B4GALT6: variants seen among roughly 807,000 people sequenced by gnomAD.
B4GALT6 encodes UDP-Gal:beta-GlcNAc beta-1,4-galactosyltransferase 6.
Under a neutral mutation model 46.3 loss-of-function variants are expected in B4GALT6, and 14 were observed. The observed-to-expected ratio is 0.30, with a 90% CI of 0.20 to 0.47. The LOEUF is 0.47. B4GALT6 is among the 20% of genes least tolerant of loss of function. The pLI, the probability that B4GALT6 is intolerant of heterozygous loss-of-function variation, is 0.99. For missense variants in B4GALT6, 386 were observed against 480.1 expected (o/e 0.80, Z 1.83); for synonymous variants, 168 against 162.0 (o/e 1.04, Z -0.28).
intron 5 of B4GALT6, 89 bp downstream of exon 5, chr18:31,638,555 C>T (rs779593975): frequency 9.1e-7 from 1 of 1,104,362 alleles, no homozygotes. Flanking sequence ...ATCAGACTTA[C>T]CTTATTAATC....
At chr18:31,666,785 G>A (rs1205797211) in intron 1 of B4GALT6, among the ~76,000 whole-genome samples, 2 of 151,794 alleles carry the variant, frequency 1.3e-5, no homozygotes, top group Admixed American at 1.3e-4. Flanking sequence ...ACAAAAGCTA[G>A]GATTCCTTAT....
At chr18:31,630,816 C>G in intron 6 of B4GALT6, 143 bp downstream of exon 6, 1 of 871,060 alleles carries the variant, frequency 1.1e-6, no homozygotes, top group Non-Finnish European at 1.7e-6. Flanking sequence ...TCCTGGCTCC[C>G]CAGGAGGACA....
intron 5 of B4GALT6, among the ~76,000 whole-genome samples, chr18:31,635,918 A>G (rs2144533256): frequency 6.6e-6 from 1 of 152,360 alleles, no homozygotes; most frequent in East Asian, 1.9e-4. Flanking sequence ...ACTGTTACTT[A>G]CCTATTCAAA....
At chr18:31,712,064 T>C in the B4GALT6 span, among the ~76,000 whole-genome samples, 4 of 152,282 alleles carry the variant, frequency 2.6e-5, no homozygotes, top group East Asian at 7.7e-4. Context: ...ACTTTTCTCA[T>C]AATCAGATAT....
intron 3 of B4GALT6, among the ~76,000 whole-genome samples, chr18:31,657,394 TA>T (rs1391896184): frequency 5.3e-5 from 8 of 152,148 alleles, no homozygotes; most frequent in African/African-American, 1.9e-4. Context: ...AAAAAGTATG[TA>T]AAAAAGCAAG....
chr18:31,646,352 C>T (rs1598887575), intron 3 of B4GALT6, among the ~76,000 whole-genome samples: 1 of 152,166 alleles, frequency 6.6e-6, no homozygotes, highest in South Asian at 2.1e-4. Context: ...AAACCACTTC[C>T]GTTAACCCCA....
chr18:31,659,359 T>G (rs773721081), intron 2 of B4GALT6, among the ~76,000 whole-genome samples: 21 of 152,126 alleles, frequency 1.4e-4, no homozygotes, highest in African/African-American at 5.1e-4. Context: ...TATTCAGTCA[T>G]TGTCACAATG....
the B4GALT6 span, among the ~76,000 whole-genome samples, chr18:31,711,326 G>C: frequency 2.6e-5 from 4 of 152,172 alleles, no homozygotes; most frequent in South Asian, 6.2e-4. Context: ...CATGCCACAG[G>C]GGTTTGTGGT....
At chr18:31,719,816 G>A in the B4GALT6 span, among the ~76,000 whole-genome samples, 1 of 152,112 alleles carries the variant, frequency 6.6e-6, no homozygotes, top group Admixed American at 6.5e-5. Context: ...GGCAGAACTG[G>A]TCGAGCCAGA....
At chr18:31,669,618 CGAA>C (rs1205633976) in intron 1 of B4GALT6, among the ~76,000 whole-genome samples, 1 of 151,686 alleles carries the variant, frequency 6.6e-6, no homozygotes, top group African/African-American at 2.4e-5. Context: ...AGAAAAGAGA[CGAA>C]GAGAAAAAAG....
upstream of B4GALT6, chr18:31,684,597 G>C: frequency 2.9e-5 from 39 of 1,364,040 alleles, no homozygotes; most frequent in Non-Finnish European, 3.7e-5. Context: ...GGGAGGGAGC[G>C]GACGGAATGA....
intron 1 of B4GALT6, among the ~76,000 whole-genome samples, chr18:31,667,347 G>GA (rs1567978368): frequency 6.6e-6 from 1 of 152,124 alleles, no homozygotes; most frequent in East Asian, 1.9e-4. Context: ...CAAAAACCAA[G>GA]AAACTGCAAG....
intron 1 of B4GALT6, among the ~76,000 whole-genome samples, chr18:31,677,460 C>T (rs999185322): frequency 1.1e-4 from 17 of 152,120 alleles, no homozygotes; most frequent in African/African-American, 4.1e-4. Flanking sequence ...TTGAGTGCCA[C>T]CTGAAAGTTT....
chr18:31,690,833 T>G (rs1454938070), upstream of B4GALT6, among the ~76,000 whole-genome samples: 1 of 152,158 alleles, frequency 6.6e-6, no homozygotes, highest in Non-Finnish European at 1.5e-5. Flanking sequence ...AAGAATGAGC[T>G]CATGTCCTTT....
chr18:31,683,653 T>A (rs1447245775), intron 1 of B4GALT6, among the ~76,000 whole-genome samples: 2 of 152,170 alleles, frequency 1.3e-5, no homozygotes, highest in African/African-American at 4.8e-5. Context: ...TTCCCTTAGA[T>A]AACGGTTATT....
At chr18:31,644,835 T>C (rs571360073) in intron 4 of B4GALT6, among the ~76,000 whole-genome samples, 1 of 152,340 alleles carries the variant, frequency 6.6e-6, no homozygotes, top group African/African-American at 2.4e-5. Flanking sequence ...AGTCCAACTT[T>C]TCAAGTCCCA....
intron 3 of B4GALT6, among the ~76,000 whole-genome samples, chr18:31,649,980 C>A (rs1425730711): frequency 6.6e-6 from 1 of 152,224 alleles, no homozygotes; most frequent in Non-Finnish European, 1.5e-5. Context: ...CAGCAATATT[C>A]ACAATAGTGA....
chr18:31,724,315 T>C, the B4GALT6 span: 8,776 of 541,220 alleles, frequency 0.016, 152 homozygotes, highest in East Asian at 0.089. Context: ...ATGGCAACTA[T>C]TGTGGCTACT....
the B4GALT6 span, among the ~76,000 whole-genome samples, chr18:31,697,416 T>C: frequency 7.9e-6 from 1 of 125,894 alleles, no homozygotes; most frequent in South Asian, 2.7e-4. Context: ...GGGAGGGGGT[T>C]GAGGTACAGA....
Sources: gnomAD v4.1 joint callset for allele counts (sites outside exome capture counted in the v4.1 genomes callset) on GRCh38, gnomAD v4.1.1 for gene constraint, MANE v1.5 for transcripts, NCBI Gene and HGNC (gene_info 2026-07-23, HGNC 2026-07-21) for gene names.